The following TJP2 variants were observed in gnomAD, a reference collection of about 807,000 sequenced individuals.
The protein encoded by TJP2 is Friedreich ataxia region gene X104 (tight junction protein ZO-2).
TJP2 carries 91 observed loss-of-function variants against 133.1 expected under a neutral mutation model. The observed-to-expected ratio is 0.68, with a 90% CI of 0.58 to 0.81. The LOEUF (loss-of-function observed/expected upper bound fraction) is 0.81. Among genes scored for constraint, TJP2 ranks in the 40% least tolerant of loss-of-function variants. TJP2 has a pLI of 0.00. For missense variants in TJP2, 1,541 were observed against 1,565.6 expected, an observed-to-expected ratio of 0.98 and a Z score of 0.26; for synonymous variants, 592 against 583.4, an observed-to-expected ratio of 1.01 and a Z score of -0.21.
chr9:69,172,087 G>A (rs1020029092), upstream of TJP2, among the ~76,000 whole-genome samples: 1 of 152,200 alleles, frequency 6.6e-6, no homozygotes, highest in Non-Finnish European at 1.5e-5. Flanking sequence ...GAGCCACCGC[G>A]CCCTGCGGAG....
At chr9:69,201,541 C>T (rs1328565982) in intron 1 of TJP2, among the ~76,000 whole-genome samples, 1 of 152,126 alleles carries the variant, frequency 6.6e-6, no homozygotes, top group Non-Finnish European at 1.5e-5. Context: ...TGCAAAGCTT[C>T]CTGAGGGCAG....
At chr9:69,186,853 G>A (rs948040626) in intron 1 of TJP2, among the ~76,000 whole-genome samples, 1 of 152,158 alleles carries the variant, frequency 6.6e-6, no homozygotes, top group African/African-American at 2.4e-5. Flanking sequence ...GTTAGGGAAA[G>A]TTAAGAGAGG....
chr9:69,162,921 A>C (rs992376561), intron 2 of TJP2, among the ~76,000 whole-genome samples: 10 of 152,260 alleles, frequency 6.6e-5, no homozygotes, highest in Non-Finnish European at 1.3e-4. Context: ...TTGTACAAAC[A>C]TATGTAAATA....
intron 1 of TJP2, among the ~76,000 whole-genome samples, chr9:69,191,155 T>G (rs765318839): frequency 1.1e-4 from 17 of 152,234 alleles, no homozygotes; most frequent in Non-Finnish European, 2.4e-4. Flanking sequence ...GCTTCTGGTT[T>G]CAATGTAGTA....
intron 1 of TJP2, among the ~76,000 whole-genome samples, chr9:69,183,817 C>G (rs963822564): frequency 6.6e-6 from 1 of 152,190 alleles, no homozygotes; most frequent in Non-Finnish European, 1.5e-5. Context: ...TCATTGCGAC[C>G]TGTGCCTCCC....
chr9:69,179,409 A>G (rs989581509), intron 1 of TJP2, among the ~76,000 whole-genome samples: 3 of 152,190 alleles, frequency 2.0e-5, no homozygotes, highest in African/African-American at 4.8e-5. Flanking sequence ...CTCAATTAGA[A>G]TATCAGTGGT....
rs148326521 is a variant in TJP2, at chr9:69,180,132, C to T, written c.60+5700C>T. On this transcript the variant is annotated intron_variant, in intron 1 of 22. Transcript: ENST00000377245. Reference sequence around the variant, plus strand: ...CTATATAACTATGGTACTAAACACACGAGTTAGTGACAAGTCAGGCATTTG... The same window carrying T: ...CTATATAACTATGGTACTAAACACATGAGTTAGTGACAAGTCAGGCATTTG... Among the ~76,000 whole-genome samples, 1,434 of 152,254 alleles carry T rather than the reference C, an allele frequency of 9.4e-3. 17 individuals are homozygous for T. The highest frequency in any genetic ancestry group is 0.014 in the Non-Finnish European group (946 of 68,036).
chr9:69,223,566 C>G (rs945219875), intron 5 of TJP2, among the ~76,000 whole-genome samples: 1 of 152,202 alleles, frequency 6.6e-6, no homozygotes, highest in African/African-American at 2.4e-5. Flanking sequence ...CTCAGCCTCC[C>G]GAAGTGCTGG....
chr9:69,236,315 C>A, intron 13 of TJP2, 77 bp downstream of exon 13: 1 of 1,449,592 alleles, frequency 6.9e-7, no homozygotes, highest in South Asian at 1.2e-5. Flanking sequence ...CCCCTTCCCC[C>A]GTAAAAGGAA....
At chr9:69,160,339 A>G (rs1487982100) in intron 2 of TJP2, among the ~76,000 whole-genome samples, 1 of 152,248 alleles carries the variant, frequency 6.6e-6, no homozygotes, top group African/African-American at 2.4e-5. Context: ...AGCTCCCTAC[A>G]TTCCTGAAAT....
chr9:69,174,539 C>T, intron 1 of TJP2, 107 bp downstream of exon 1: 1 of 1,291,946 alleles, frequency 7.7e-7, no homozygotes, highest in Non-Finnish European at 1.1e-6. Context: ...CCCCGATGCG[C>T]CGTAGGAAGC....
chr9:69,201,310 G>A (rs1826972039), intron 1 of TJP2, among the ~76,000 whole-genome samples: 1 of 152,210 alleles, frequency 6.6e-6, no homozygotes, highest in Admixed American at 6.5e-5. Flanking sequence ...AACAAGTACT[G>A]GTTGGAGCAG....
At chr9:69,195,417 ATT>A (rs112744969) in intron 1 of TJP2, among the ~76,000 whole-genome samples, 2 of 145,924 alleles carry the variant, frequency 1.4e-5, no homozygotes, top group South Asian at 2.2e-4. Context: ...CTATCAGCTG[ATT>A]TTTTTTTTTT....
chr9:69,254,483 G>A lies in TJP2; in HGVS notation c.*109G>A. On this transcript the variant is annotated 3_prime_UTR_variant, in exon 23 of 23. Transcript: ENST00000377245. ...CAGTTAGAATGCACCATGGAGACGTGGTGGGACTCCAGCTCGTGTGTCCTC... is the reference window on the plus strand; with the variant it reads ...CAGTTAGAATGCACCATGGAGACGTAGTGGGACTCCAGCTCGTGTGTCCTC... 7.1e-7 allele frequency: 1 copy of A among 1,411,932 alleles called. No homozygotes were observed. The highest frequency in any genetic ancestry group is 9.9e-7 in the Non-Finnish European group (1 of 1,015,010). The allele number at this position is 1,411,932 out of a possible 1,614,324, so 87.5% of individuals were successfully genotyped here.
intron 1 of TJP2, among the ~76,000 whole-genome samples, chr9:69,199,911 G>A (rs1409308936): frequency 6.6e-6 from 1 of 152,164 alleles, no homozygotes; most frequent in Non-Finnish European, 1.5e-5. Context: ...AATGGGGATG[G>A]TGGTGCTAAC....
intron 12 of TJP2, among the ~76,000 whole-genome samples, chr9:69,235,463 C>T (rs1442380820): frequency 6.6e-6 from 1 of 152,016 alleles, no homozygotes; most frequent in Non-Finnish European, 1.5e-5. Flanking sequence ...GCTGGGACTA[C>T]AGGCGCCCAC....
intron 11 of TJP2, among the ~76,000 whole-genome samples, chr9:69,233,213 C>T (rs1447787608): frequency 6.6e-6 from 1 of 152,150 alleles, no homozygotes; most frequent in East Asian, 1.9e-4. Flanking sequence ...TTAAAAGCAC[C>T]AAATTAGTTT....
At chr9:69,175,239 T>A (rs1824992822) in intron 1 of TJP2, among the ~76,000 whole-genome samples, 1 of 152,188 alleles carries the variant, frequency 6.6e-6, no homozygotes, top group South Asian at 2.1e-4. Context: ...CTGGCCTGAG[T>A]AATGATGGTT....
chr9:69,173,956 G>C (rs1002080316), upstream of TJP2: 64 of 985,160 alleles, frequency 6.5e-5, no homozygotes, highest in Middle Eastern at 5.2e-4. Context: ...CGGGCTGGCG[G>C]GGGTGGAGGG....
Sources: gnomAD v4.1 joint callset for allele counts (sites outside exome capture counted in the v4.1 genomes callset) on GRCh38, gnomAD v4.1.1 for gene constraint, MANE v1.5 for transcripts, NCBI Gene and HGNC (gene_info 2026-07-23, HGNC 2026-07-21) for gene names.